RBMS3: variants seen among roughly 807,000 people sequenced by gnomAD.
The protein encoded by RBMS3 is RNA-binding motif, single-stranded-interacting protein 3.
In RBMS3, 27 loss-of-function variants were observed where a neutral mutation model predicts 66.8. The observed-to-expected ratio is 0.40, with a 90% CI of 0.30 to 0.56. The LOEUF (loss-of-function observed/expected upper bound fraction) is 0.56, where lower values mean the gene tolerates loss of function less well. Among genes scored for constraint, RBMS3 ranks in the 20% least tolerant of loss-of-function variants. The probability of loss-of-function intolerance (pLI) is 0.40; values close to 1 mark genes in which losing one functional copy is unlikely to be tolerated. For missense variants in RBMS3, 513 were observed against 549.5 expected (o/e 0.93, Z 0.66); for synonymous variants, 188 against 183.0 (o/e 1.03, Z -0.22).
intron 4 of RBMS3, among the ~76,000 whole-genome samples, chr3:29,714,091 A>AT (rs2053288680): frequency 6.6e-6 from 1 of 152,060 alleles, no homozygotes; most frequent in Admixed American, 6.6e-5. Flanking sequence ...ACAAAAAACT[A>AT]TTTTTAACAA....
At chr3:29,757,486 A>T (rs1319823076) in intron 5 of RBMS3, among the ~76,000 whole-genome samples, 1 of 152,160 alleles carries the variant, frequency 6.6e-6, no homozygotes, top group African/African-American at 2.4e-5. Context: ...AGTCTCTCAT[A>T]CCTGACACAG....
At chr3:29,903,433 C>T (rs913813354) in intron 10 of RBMS3, among the ~76,000 whole-genome samples, 15 of 151,950 alleles carry the variant, frequency 9.9e-5, no homozygotes, top group African/African-American at 3.4e-4. Flanking sequence ...TCAGCACAGA[C>T]GTCTATACTG....
chr3:29,469,446 G>A (rs929331301), intron 2 of RBMS3, among the ~76,000 whole-genome samples: 1 of 151,832 alleles, frequency 6.6e-6, no homozygotes, highest in African/African-American at 2.4e-5. Flanking sequence ...GAAGGTGTTT[G>A]GATAAACCTA....
At chr3:29,788,415 C>T (rs59479878) in intron 6 of RBMS3, among the ~76,000 whole-genome samples, 16,470 of 151,732 alleles carry the variant, frequency 0.11, 1,043 homozygotes, top group African/African-American at 0.16. Flanking sequence ...TTAGTAGAGA[C>T]GGGGTTTCAT....
intron 3 of RBMS3, among the ~76,000 whole-genome samples, chr3:29,557,789 CA>C (rs2046413021): frequency 6.6e-6 from 1 of 151,974 alleles, no homozygotes; most frequent in South Asian, 2.1e-4. Flanking sequence ...AACAAACAAA[CA>C]AAAAACATAG....
At chr3:29,653,931 G>A (rs1373092309) in intron 4 of RBMS3, among the ~76,000 whole-genome samples, 3 of 152,088 alleles carry the variant, frequency 2.0e-5, no homozygotes, top group Non-Finnish European at 4.4e-5. Context: ...TGTTTTCCGT[G>A]TCTTCATAAA....
chr3:29,941,456 T>C (rs907443549), intron 11 of RBMS3, among the ~76,000 whole-genome samples: 1 of 151,786 alleles, frequency 6.6e-6, no homozygotes, highest in African/African-American at 2.4e-5. Flanking sequence ...AAAATAGTTT[T>C]TTAGGAAAAA....
chr3:29,916,756 A>G (rs908307447), intron 10 of RBMS3, among the ~76,000 whole-genome samples: 1 of 152,064 alleles, frequency 6.6e-6, no homozygotes, highest in Non-Finnish European at 1.5e-5. Context: ...ATGTATGTGT[A>G]TTTGAAAATT....
chr3:29,951,183 T>C (rs966539800), intron 12 of RBMS3, among the ~76,000 whole-genome samples: 4 of 151,878 alleles, frequency 2.6e-5, no homozygotes, highest in Non-Finnish European at 2.9e-5. Flanking sequence ...GAAGAAATAC[T>C]ATTGGGCTAA....
intron 4 of RBMS3, among the ~76,000 whole-genome samples, chr3:29,662,815 A>G (rs184366617): frequency 1.6e-4 from 24 of 152,340 alleles, no homozygotes; most frequent in African/African-American, 5.5e-4. Context: ...TGATTTGGTA[A>G]TACAAAGCTT....
chr3:29,471,444 C>T lies in RBMS3; in HGVS notation c.249-16997C>T, dbSNP rs997439403. Among the ~76,000 whole-genome samples, 3 of 152,150 alleles carry T rather than the reference C, an allele frequency of 2.0e-5. No individual in the cohort carries two copies. In the East Asian group the frequency reaches 5.8e-4, roughly 29 times the overall value. ...AATATATCAACTTTTACTTTGGCTT[C>T]CCCACGATTAAAGTTAAGACAAGCG... On this transcript the variant is annotated intron_variant, in intron 2 of 14. Transcript: ENST00000383767.
At chr3:29,530,416 T>TA (rs1204857887) in intron 3 of RBMS3, among the ~76,000 whole-genome samples, 3 of 152,000 alleles carry the variant, frequency 2.0e-5, no homozygotes, top group South Asian at 2.1e-4. Flanking sequence ...TGATGTGGAC[T>TA]AAAAAAATAC....
Position 29,679,768 on chromosome 3 carries a change from G to GTATATATATATATA in RBMS3, c.400-59946_400-59933dup, listed in dbSNP as rs34934611. ...TAGCAATAATTTATACTACTTGACT[G>GTATATATATATATA]TATATATATATATATATATTATACA... On this transcript the variant is annotated intron_variant, in intron 4 of 14. Coordinates refer to ENST00000383767, the MANE Select transcript of RBMS3 (RefSeq NM_001003793.3). Among the ~76,000 whole-genome samples the GTATATATATATATA allele has an allele frequency of 3.9e-3, 574 of 145,390 alleles. 6 individuals carry two copies. Among genetic ancestry groups the GTATATATATATATA allele is most frequent in the African/African-American group, 0.014 (531 of 38,584 alleles).
At chr3:29,955,740 G>A (rs1695991520) in intron 12 of RBMS3, among the ~76,000 whole-genome samples, 1 of 152,032 alleles carries the variant, frequency 6.6e-6, no homozygotes, top group African/African-American at 2.4e-5. Context: ...AGAAACATCT[G>A]TCTTCCTTCC....
intron 3 of RBMS3, among the ~76,000 whole-genome samples, chr3:29,584,049 T>C (rs2047424087): frequency 6.6e-6 from 1 of 152,096 alleles, no homozygotes; most frequent in African/African-American, 2.4e-5. Flanking sequence ...CTGTAAATCC[T>C]CCTCCTCATC....
chr3:29,753,667 G>T (rs955171047), intron 5 of RBMS3, among the ~76,000 whole-genome samples: 2 of 152,104 alleles, frequency 1.3e-5, no homozygotes, highest in African/African-American at 4.8e-5. Flanking sequence ...AAGCTAAAGA[G>T]GTCAGTTACT....
intron 6 of RBMS3, among the ~76,000 whole-genome samples, chr3:29,823,833 G>C (rs1342091090): frequency 1.8e-4 from 27 of 152,108 alleles, no homozygotes; most frequent in Admixed American, 1.8e-3. Flanking sequence ...TTATACCTAG[G>C]AATGAAATTG....
At chr3:29,434,698 G>T in intron 1 of RBMS3, 45 bp from the exon 2 acceptor site, 1 of 1,582,022 alleles carries the variant, frequency 6.3e-7, no homozygotes, top group East Asian at 2.2e-5. Flanking sequence ...CCTGTGAATA[G>T]GTGCTGGCTT....
chr3:29,367,749 G>A (rs1175761477), intron 1 of RBMS3, among the ~76,000 whole-genome samples: 1 of 152,018 alleles, frequency 6.6e-6, no homozygotes, highest in Non-Finnish European at 1.5e-5. Context: ...TTAAAAAGAG[G>A]CAAATAATAT....
Sources: gnomAD v4.1 joint callset for allele counts (sites outside exome capture counted in the v4.1 genomes callset) on GRCh38, gnomAD v4.1.1 for gene constraint, MANE v1.5 for transcripts, NCBI Gene and HGNC (gene_info 2026-07-23, HGNC 2026-07-21) for gene names.